The following PZP variants were observed in gnomAD, a reference collection of about 807,000 sequenced individuals.
PZP encodes the protein pregnancy zone protein.
Under a neutral mutation model 179.8 loss-of-function variants are expected in PZP, and 150 were observed. The ratio of observed to expected loss-of-function variants is 0.83; its 90% confidence interval spans 0.73 to 0.96. The LOEUF (loss-of-function observed/expected upper bound fraction) is 0.96. Ranked by LOEUF, PZP falls within the 40% of genes least tolerant of loss-of-function variation. The pLI is 0.00. For synonymous variants in PZP, 624 were observed against 652.3 expected, an observed-to-expected ratio of 0.96 and a Z score of 0.66; for missense variants, 1,689 against 1,764.0, an observed-to-expected ratio of 0.96 and a Z score of 0.76.
chr12:9,169,631 C>G, intron 15 of PZP, 40 bp from the exon 16 acceptor site: 1 of 1,514,360 alleles, frequency 6.6e-7, no homozygotes, highest in Non-Finnish European at 8.8e-7. Flanking sequence ...CTGTTACTTA[C>G]TTTTCTTTTG....
the PZP span, among the ~76,000 whole-genome samples, chr12:9,143,063 T>C: frequency 3.4e-4 from 52 of 152,340 alleles, no homozygotes; most frequent in African/African-American, 1.2e-3. Flanking sequence ...ACTCATAGCT[T>C]GGACATCGAT....
rs1231395105 is a variant in PZP at position 9,154,694 on chromosome 12, C to A, written c.3696G>T (p.Gly1232=). ...CAATGTTAGTTGCAGAGGTCAGGTC[C>A]CCTGAGGTGGGGGCTGGCTGGGCCG... The part of the protein sequence containing the change: ...YLTAQPAPTS[G]DLTSATNIVK... Residue 1232 remains glycine (G), a synonymous_variant, in exon 29 of 36, where the codon GGG becomes GGT. Coordinates refer to ENST00000261336, the MANE Select transcript of PZP (RefSeq NM_002864.3). 1 of 1,614,102 alleles carries A rather than the reference C, an allele frequency of 6.2e-7. No homozygotes were observed.
Position 9,196,552 on chromosome 12 carries a change from A to AC in PZP, c.982+18_982+19insG, listed in dbSNP as rs1943784826. Reference sequence around the variant, plus strand: ...AGTAAACTATTGTTTTATTTCCCATATTCGTTCATTACTCACACCTGTCCC... The same window carrying AC: ...AGTAAACTATTGTTTTATTTCCCATACTTCGTTCATTACTCACACCTGTCCC... On this transcript the variant is annotated intron_variant, in intron 9 of 35. Coordinates refer to ENST00000261336, the MANE Select transcript of PZP (RefSeq NM_002864.3). The AC allele has an allele frequency of 6.3e-7, 1 of 1,582,382 alleles. No individual in the cohort carries two copies. Among genetic ancestry groups the AC allele is most frequent in the Non-Finnish European group, 8.7e-7 (1 of 1,151,364 alleles).
At position 9,153,246 on chromosome 12, in the gene PZP, G is replaced by T; in HGVS notation, c.3872C>A (p.Thr1291Asn). The change falls in exon 30 of 36, where the codon ACC (threonine) becomes AAC (asparagine). Residue 1291 changes from threonine (T) to asparagine (N), a missense_variant. Thr to Asn is a moderately conservative substitution (Grantham distance 65, BLOSUM62 0). Coordinates refer to ENST00000261336, the MANE Select transcript of PZP (RefSeq NM_002864.3). The stretch of plus-strand genomic sequence containing the variant: ...GTCTACTTGGAAATTTGTAGAAAAG[G>T]TCTGTGAATCCTGAACGGTGACCTG... ...TAQVTVQDSQ[T>N]FSTNFQVDNN... 1 of 1,614,162 alleles carries T rather than the reference G, an allele frequency of 6.2e-7. No homozygotes were observed. The highest frequency in any genetic ancestry group is 8.5e-7 in the Non-Finnish European group (1 of 1,179,988).
intron 13 of PZP, 112 bp from the exon 14 acceptor site, chr12:9,182,229 A>G (rs908007506): frequency 5.1e-6 from 5 of 981,786 alleles, no homozygotes; most frequent in Non-Finnish European, 7.0e-6. Flanking sequence ...AACTGCGTCC[A>G]TTCATTCTAA....
At chr12:9,200,552 G>T in intron 6 of PZP, 104 bp from the exon 7 acceptor site, 1 of 885,108 alleles carries the variant, frequency 1.1e-6, no homozygotes, top group Non-Finnish European at 1.8e-6. Context: ...CACTCTGAAT[G>T]TTAGATTTAC....
chr12:9,147,488 G>C (rs1167437016), downstream of PZP, among the ~76,000 whole-genome samples: 1 of 152,162 alleles, frequency 6.6e-6, no homozygotes, highest in Non-Finnish European at 1.5e-5. Context: ...AGCATGTCCT[G>C]AATCTTACTG....
intron 10 of PZP, among the ~76,000 whole-genome samples, chr12:9,195,238 A>T (rs1055097748): frequency 6.6e-6 from 1 of 152,162 alleles, no homozygotes; most frequent in Non-Finnish European, 1.5e-5. Flanking sequence ...TTTTTAAAAA[A>T]TTTAAAATAA....
the PZP span, among the ~76,000 whole-genome samples, chr12:9,140,445 G>A: frequency 6.6e-6 from 1 of 152,196 alleles, no homozygotes; most frequent in Non-Finnish European, 1.5e-5. Context: ...GAGAGGCAGA[G>A]GCACATGTTT....
downstream of PZP, among the ~76,000 whole-genome samples, chr12:9,144,073 G>T (rs1046931522): frequency 2.0e-5 from 3 of 152,186 alleles, no homozygotes; most frequent in African/African-American, 7.2e-5. Context: ...GTCAGGGGAA[G>T]GCAGATCTTA....
At chr12:9,180,348 C>T (rs1299005793) in intron 15 of PZP, among the ~76,000 whole-genome samples, 4 of 152,094 alleles carry the variant, frequency 2.6e-5, no homozygotes, top group African/African-American at 9.7e-5. Context: ...CCAAGGCAAT[C>T]CTAAGCCAAA....
chr12:9,190,001 G>A (rs1943363894), intron 13 of PZP, among the ~76,000 whole-genome samples: 1 of 151,966 alleles, frequency 6.6e-6, no homozygotes, highest in Non-Finnish European at 1.5e-5. Context: ...AACAGATGTT[G>A]GCAAGGTTGT....
rs1234505859 is a variant in PZP at position 9,152,172 on chromosome 12, A to T, written c.4212+48T>A. On this transcript the variant is annotated intron_variant, in intron 32 of 35. Coordinates refer to ENST00000261336, the MANE Select transcript of PZP (RefSeq NM_002864.3). The stretch of plus-strand genomic sequence containing the variant: ...ATTGGTATGGTCTTAGTTTGGGGAT[A>T]CAGAACATACTTTTGTATGAAGTCT... The T allele has an allele frequency of 6.9e-6, 9 of 1,313,622 alleles. No homozygotes were observed. The South Asian group carries it at 1.1e-4, about 15-fold the overall frequency. 81.4% of individuals were successfully genotyped at this position (1,313,622 alleles called of 1,614,324 possible).
At position 9,201,346 on chromosome 12, in the gene PZP, A is replaced by G; in HGVS notation, c.482T>C (p.Ile161Thr). The change falls in exon 5 of 36, where the codon ATT becomes ACT. Residue 161 changes from isoleucine (I) to threonine (T), a missense_variant and splice_region_variant. By Grantham distance (89) the Ile-to-Thr change is moderately conservative. Coordinates refer to ENST00000261336, the MANE Select transcript of PZP (RefSeq NM_002864.3). ...DENFRPRNELIPLIYLENPRR... is the reference protein window; with the variant it reads ...DENFRPRNELTPLIYLENPRR... Reference sequence around the variant, plus strand: ...ACTTACCTCAAGGTATATCAGTGGAATCTATATGATAAAAGGAAAGAAGAG... The same window carrying G: ...ACTTACCTCAAGGTATATCAGTGGAGTCTATATGATAAAAGGAAAGAAGAG... 6.4e-7 allele frequency: 1 copy of G among 1,557,384 alleles called. No individual in the cohort carries two copies. Among genetic ancestry groups the G allele is most frequent in the Non-Finnish European group, 8.8e-7 (1 of 1,133,768 alleles).
chr12:9,195,508 A>G (rs1462344765), intron 10 of PZP, among the ~76,000 whole-genome samples: 1 of 149,980 alleles, frequency 6.7e-6, no homozygotes, highest in Non-Finnish European at 1.5e-5. Context: ...CAGTGGTGCC[A>G]TTATAACTCA....
intron 1 of PZP, among the ~76,000 whole-genome samples, chr12:9,205,138 A>G (rs780525875): frequency 6.6e-6 from 1 of 152,298 alleles, no homozygotes; most frequent in African/African-American, 2.4e-5. Flanking sequence ...AAGTCATATT[A>G]TTTTGAAAAG....
chr12:9,160,545 CATT>C (rs1360155449), intron 23 of PZP, 55 bp from the exon 24 acceptor site: 16 of 1,529,438 alleles, frequency 1.0e-5, no homozygotes, highest in Middle Eastern at 1.8e-4. Context: ...AAATAGCCAA[CATT>C]ATTAACAAAA....
chr12:9,140,872 A>G, the PZP span, among the ~76,000 whole-genome samples: 12 of 152,192 alleles, frequency 7.9e-5, no homozygotes, highest in Non-Finnish European at 1.3e-4. Context: ...TGATTCCTTA[A>G]AGGACAGCAC....
At chr12:9,194,654 C>T (rs1000763302) in intron 10 of PZP, among the ~76,000 whole-genome samples, 2 of 151,860 alleles carry the variant, frequency 1.3e-5, no homozygotes, top group African/African-American at 4.8e-5. Flanking sequence ...TTAGTAGAGA[C>T]GGGGTTTCAC....
Sources: allele counts gnomAD v4.1 joint callset (sites outside exome capture counted in the v4.1 genomes callset), GRCh38; gene constraint gnomAD v4.1.1; transcripts MANE v1.5; gene names NCBI Gene and HGNC (gene_info 2026-07-23, HGNC 2026-07-21).